Variants in PARP16 observed in about 807,000 individuals in gnomAD.
PARP16 encodes the protein poly(ADP-ribose) polymerase family member 16.
Under a neutral mutation model 35.0 loss-of-function variants are expected in PARP16, and 31 were observed. The ratio of observed to expected loss-of-function variants is 0.88; its 90% CI spans 0.66 to 1.19. The LOEUF (loss-of-function observed/expected upper bound fraction) is 1.19, where lower values mean the gene tolerates loss of function less well. Ranked by LOEUF, PARP16 falls within the 50% of genes most tolerant of loss-of-function variation. PARP16 has a pLI of 0.00. For missense variants in PARP16, 424 were observed against 411.2 expected (o/e 1.03, Z -0.27); for synonymous variants, 162 against 169.5 (o/e 0.96, Z 0.34).
At chr15:65,252,699 C>G (rs2089391296) in intron 2 of PARP16, among the ~76,000 whole-genome samples, 1 of 152,210 alleles carries the variant, frequency 6.6e-6, no homozygotes, top group Admixed American at 6.5e-5. Flanking sequence ...CTAGTGATTT[C>G]TCTTTCGCCA....
Position 65,286,267 on chromosome 15 carries a change from C to A in PARP16, c.160G>T (p.Asp54Tyr). 3 of 1,588,294 alleles carry A rather than the reference C, an allele frequency of 1.9e-6. No homozygotes were observed. Among genetic ancestry groups the A allele is most frequent in the Non-Finnish European group, 2.6e-6 (3 of 1,169,736 alleles). Residue 54 changes from aspartate (D) to tyrosine (Y), a missense_variant, in exon 1 of 6, where the codon GAC becomes TAC. By Grantham distance (160) the Asp-to-Tyr change is radical (BLOSUM62 -3). Transcript: ENST00000649807. ...AGCACACTCACCAGGGCTTCAAAGT[C>A]CTTACAGTCGCCGCGGGCGTAGGAC... is the stretch of plus-strand genomic sequence containing the variant. ...PASYARGDCK[D>Y]FEALLADASK...
At chr15:65,274,119 T>G (rs2090177294) in intron 1 of PARP16, among the ~76,000 whole-genome samples, 1 of 151,912 alleles carries the variant, frequency 6.6e-6, no homozygotes, top group Non-Finnish European at 1.5e-5. Context: ...ATTTTTTTTA[T>G]TTTTAGTAGA....
intron 3 of PARP16, among the ~76,000 whole-genome samples, chr15:65,246,950 A>G (rs1192659286): frequency 6.6e-6 from 1 of 152,204 alleles, no homozygotes; most frequent in Non-Finnish European, 1.5e-5. Context: ...AACAGAAGCT[A>G]ATATTTATTG....
At chr15:65,256,736 T>C (rs951871713), downstream of PARP16, among the ~76,000 whole-genome samples, 49 of 152,256 alleles carry the variant, frequency 3.2e-4, no homozygotes, top group Non-Finnish European at 5.0e-4. Flanking sequence ...TTTCAAGATC[T>C]GGTCCCTGTC....
intron 2 of PARP16, among the ~76,000 whole-genome samples, chr15:65,248,871 A>G (rs2089283923): frequency 6.6e-6 from 1 of 152,160 alleles, no homozygotes; most frequent in Admixed American, 6.5e-5. Flanking sequence ...ATGCCTTCCC[A>G]AGGACTCTGC....
At chr15:65,253,582 G>A (rs527561427), downstream of PARP16, among the ~76,000 whole-genome samples, 7 of 151,916 alleles carry the variant, frequency 4.6e-5, no homozygotes, top group Admixed American at 3.9e-4. Flanking sequence ...CGCCCGCCTC[G>A]GCCTCCCAAA....
At chr15:65,242,129 TC>T (rs745741659) in intron 3 of PARP16, among the ~76,000 whole-genome samples, 6 of 152,362 alleles carry the variant, frequency 3.9e-5, no homozygotes, top group Non-Finnish European at 8.8e-5. Context: ...GAAAATACTA[TC>T]TTTTCCCCAA....
At chr15:65,246,196 C>T (rs2089205433) in intron 3 of PARP16, among the ~76,000 whole-genome samples, 1 of 152,176 alleles carries the variant, frequency 6.6e-6, no homozygotes. Flanking sequence ...ACCCCTCCCT[C>T]AGTCCCTCCA....
chr15:65,274,657 C>T lies in PARP16; in HGVS notation c.175-3585G>A, dbSNP rs73468773. On this transcript the variant is annotated intron_variant, in intron 1 of 5. Transcript: ENST00000649807. ...TTTCTATGCCTTGCTTACTGTTCCA[C>T]GCCACCTGCTTCACCCCCAGGCTGC... 9.1e-3 allele frequency among the ~76,000 whole-genome samples: 1,390 copies of T among 151,982 alleles called. 20 individuals are homozygous for T. The highest frequency in any genetic ancestry group is 0.032 in the African/African-American group (1,324 of 41,446).
intron 4 of PARP16, among the ~76,000 whole-genome samples, chr15:65,261,230 A>G (rs1256228911): frequency 6.6e-6 from 1 of 151,780 alleles, no homozygotes; most frequent in East Asian, 2.0e-4. Context: ...AAGAGTAGGA[A>G]AATATAAGGG....
intron 1 of PARP16, among the ~76,000 whole-genome samples, chr15:65,282,903 A>G (rs2090462673): frequency 6.6e-6 from 1 of 152,188 alleles, no homozygotes; most frequent in Non-Finnish European, 1.5e-5. Context: ...GAGATCTATC[A>G]GGGGCACTTT....
intron 1 of PARP16, among the ~76,000 whole-genome samples, chr15:65,279,409 GAA>G (rs1343880459): frequency 6.6e-6 from 1 of 152,118 alleles, no homozygotes; most frequent in Non-Finnish European, 1.5e-5. Flanking sequence ...TCGTTGGAAG[GAA>G]AGAGATGGCT....
chr15:65,234,120 A>G (rs2088820754), downstream of PARP16, among the ~76,000 whole-genome samples: 1 of 152,182 alleles, frequency 6.6e-6, no homozygotes, highest in Non-Finnish European at 1.5e-5. Context: ...ATGCACATAC[A>G]CACAGATAAA....
chr15:65,262,364 T>C (rs1185806204), intron 4 of PARP16, among the ~76,000 whole-genome samples: 1 of 152,134 alleles, frequency 6.6e-6, no homozygotes, highest in Non-Finnish European at 1.5e-5. Flanking sequence ...ACTTCTGACC[T>C]CAGGTGATCC....
downstream of PARP16, among the ~76,000 whole-genome samples, chr15:65,257,495 G>A (rs1235631968): frequency 6.6e-6 from 1 of 151,598 alleles, no homozygotes; most frequent in African/African-American, 2.4e-5. Flanking sequence ...GCCAGGCATG[G>A]TGGTGTGTGC....
chr15:65,261,819 C>T lies in PARP16; in HGVS notation c.692-793G>A, dbSNP rs187834989. Among the ~76,000 whole-genome samples the T allele has an allele frequency of 1.2e-4, 19 of 152,250 alleles. No individual in the cohort carries two copies. In the East Asian group the frequency reaches 3.5e-3, roughly 28 times the overall value. On this transcript the variant is annotated intron_variant, in intron 4 of 5. Transcript: ENST00000649807. ...GGTTCTTAGAACATTTATCTTCCAC[C>T]CTTCGTACCAAGACTTGTTTTAAAA...
At chr15:65,243,094 C>G (rs2089122424) in intron 3 of PARP16, among the ~76,000 whole-genome samples, 1 of 152,114 alleles carries the variant, frequency 6.6e-6, no homozygotes, top group Non-Finnish European at 1.5e-5. Context: ...GACAGTTTTA[C>G]TTTTTTCTTT....
chr15:65,271,137 A>T, intron 1 of PARP16, 65 bp from the exon 2 acceptor site: 1 of 1,538,990 alleles, frequency 6.5e-7, no homozygotes. Context: ...GGGGCCCTCT[A>T]GTGGGAAGGC....
rs759816873 is a variant in PARP16 at position 65,286,468 on chromosome 15, G to A, written c.-42C>T. Reference sequence around the variant, plus strand: ...TTGCCGGGGTAGACGCGCTGGTTAGGGGCAAGGGCGAGCGTGCGTTCAGCG... The same window carrying A: ...TTGCCGGGGTAGACGCGCTGGTTAGAGGCAAGGGCGAGCGTGCGTTCAGCG... On this transcript the variant is annotated 5_prime_UTR_variant, in exon 1 of 6. Transcript: ENST00000649807. 1 of 1,381,906 alleles carries A rather than the reference G, an allele frequency of 7.2e-7. No individual in the cohort carries two copies. Among genetic ancestry groups the A allele is most frequent in the Non-Finnish European group, 9.4e-7 (1 of 1,062,272 alleles). The allele number at this position is 1,381,906 out of a possible 1,614,324, so 85.6% of individuals were successfully genotyped here. A position where few individuals can be genotyped will look rare whatever the true frequency, so the allele number is the denominator to read the frequency against.
Sources: gnomAD v4.1 joint callset for allele counts (sites outside exome capture counted in the v4.1 genomes callset) on GRCh38, gnomAD v4.1.1 for gene constraint, MANE v1.5 for transcripts, NCBI Gene and HGNC (gene_info 2026-07-23, HGNC 2026-07-21) for gene names.